Variants in TLL2 observed in about 807,000 individuals in gnomAD.
TLL2 encodes tolloid-like protein 2.
TLL2 carries 106 observed loss-of-function variants against 123.0 expected under a neutral mutation model. The ratio of observed to expected loss-of-function variants is 0.86; its 90% CI spans 0.74 to 1.01. The LOEUF is 1.01. Ranked by LOEUF, TLL2 falls within the 50% of genes least tolerant of loss-of-function variation. The probability of loss-of-function intolerance (pLI) is 0.00; values close to 1 mark genes in which losing one functional copy is unlikely to be tolerated. For missense variants in TLL2, 1,332 were observed against 1,336.7 expected (o/e 1.00, Z 0.06); for synonymous variants, 494 against 516.8 (o/e 0.96, Z 0.60).
At chr10:96,412,104 C>A (rs544283038) in intron 8 of TLL2, among the ~76,000 whole-genome samples, 5 of 152,100 alleles carry the variant, frequency 3.3e-5, no homozygotes, top group South Asian at 2.1e-4. Context: ...TAAGGTTTCC[C>A]GTTCAATTCA....
At chr10:96,401,659 A>G (rs897102910) in intron 10 of TLL2, among the ~76,000 whole-genome samples, 5 of 152,192 alleles carry the variant, frequency 3.3e-5, no homozygotes, top group Admixed American at 2.6e-4. Flanking sequence ...AAATGTAGCC[A>G]CAAATACCAG....
chr10:96,489,487 T>C (rs1179404110), intron 1 of TLL2, among the ~76,000 whole-genome samples: 1 of 151,690 alleles, frequency 6.6e-6, no homozygotes, highest in African/African-American at 2.4e-5. Flanking sequence ...CATGATGGTG[T>C]CAGTCCACTC....
intron 1 of TLL2, among the ~76,000 whole-genome samples, chr10:96,491,161 G>T (rs757462432): frequency 6.6e-6 from 1 of 152,066 alleles, no homozygotes; most frequent in Non-Finnish European, 1.5e-5. Flanking sequence ...CAGGCGGATC[G>T]CCTGAGGTTA....
intron 2 of TLL2, among the ~76,000 whole-genome samples, chr10:96,465,904 G>A (rs527428592): frequency 3.3e-5 from 5 of 152,334 alleles, no homozygotes; most frequent in African/African-American, 1.2e-4. Flanking sequence ...TTCAAGAGAA[G>A]CCAGAGTTCT....
intron 2 of TLL2, among the ~76,000 whole-genome samples, chr10:96,465,218 G>C (rs1208467279): frequency 1.3e-5 from 2 of 152,070 alleles, no homozygotes; most frequent in Non-Finnish European, 2.9e-5. Context: ...TTAACTTTAA[G>C]AGACAATGTC....
At chr10:96,399,233 A>G (rs1846370323) in intron 10 of TLL2, among the ~76,000 whole-genome samples, 1 of 152,162 alleles carries the variant, frequency 6.6e-6, no homozygotes, top group Admixed American at 6.5e-5. Flanking sequence ...AAAACCATTG[A>G]CTGGTATACT....
chr10:96,422,208 C>CT (rs58380591), intron 6 of TLL2, among the ~76,000 whole-genome samples: 2,301 of 129,102 alleles, frequency 0.018, 57 homozygotes, highest in African/African-American at 0.053. Flanking sequence ...CAGGAGAACT[C>CT]TTTTTTTTTT....
chr10:96,437,981 T>C (rs1846813325), intron 3 of TLL2, among the ~76,000 whole-genome samples: 1 of 152,232 alleles, frequency 6.6e-6, no homozygotes, highest in Non-Finnish European at 1.5e-5. Context: ...GGTCTACATG[T>C]TTATCACTCT....
chr10:96,443,593 A>G (rs1420428398), intron 3 of TLL2, among the ~76,000 whole-genome samples: 1 of 152,236 alleles, frequency 6.6e-6, no homozygotes, highest in Admixed American at 6.5e-5. Flanking sequence ...CATGAAAATA[A>G]CAAACTATTG....
At chr10:96,487,862 G>A (rs1847372815) in intron 1 of TLL2, among the ~76,000 whole-genome samples, 1 of 152,058 alleles carries the variant, frequency 6.6e-6, no homozygotes, top group African/African-American at 2.4e-5. Flanking sequence ...TAAACGCCAT[G>A]ACAACAGGCT....
chr10:96,423,031 G>A (rs1315550656), intron 5 of TLL2, among the ~76,000 whole-genome samples: 1 of 151,440 alleles, frequency 6.6e-6, no homozygotes, highest in Non-Finnish European at 1.5e-5. Context: ...GGGAGGTTGA[G>A]GCAGGAGAAC....
At chr10:96,376,921 C>T in intron 17 of TLL2, 102 bp from the exon 18 acceptor site, 1 of 1,303,576 alleles carries the variant, frequency 7.7e-7, no homozygotes, top group Middle Eastern at 2.9e-4. Context: ...CTAATTGTCT[C>T]AGGGTCTTTA....
chr10:96,381,936 A>G (rs551060164), intron 16 of TLL2, among the ~76,000 whole-genome samples: 5 of 152,374 alleles, frequency 3.3e-5, no homozygotes, highest in African/African-American at 9.6e-5. Flanking sequence ...CATTAAGACT[A>G]TAAAGATAAC....
chr10:96,372,340 C>T (rs997274805), intron 19 of TLL2, among the ~76,000 whole-genome samples: 2 of 152,134 alleles, frequency 1.3e-5, no homozygotes, highest in East Asian at 3.9e-4. Context: ...ATCACAGGGT[C>T]CCATGATCGT....
chr10:96,473,022 A>G (rs534827370), intron 2 of TLL2, among the ~76,000 whole-genome samples: 6 of 150,794 alleles, frequency 4.0e-5, no homozygotes, highest in African/African-American at 1.5e-4. Flanking sequence ...AACTGGCTTG[A>G]AGGAAGTTAG....
chr10:96,472,267 C>T (rs768205845), intron 2 of TLL2, among the ~76,000 whole-genome samples: 9 of 152,160 alleles, frequency 5.9e-5, no homozygotes, highest in African/African-American at 9.7e-5. Context: ...TTCACAAAAT[C>T]GAGACATCGT....
At chr10:96,424,392 T>A (rs929015125) in intron 5 of TLL2, among the ~76,000 whole-genome samples, 1 of 152,192 alleles carries the variant, frequency 6.6e-6, no homozygotes, top group African/African-American at 2.4e-5. Context: ...TTATTTCACG[T>A]TGCATGCCTG....
At chr10:96,474,313 C>G (rs1447825606) in intron 2 of TLL2, among the ~76,000 whole-genome samples, 1 of 152,212 alleles carries the variant, frequency 6.6e-6, no homozygotes, top group Non-Finnish European at 1.5e-5. Flanking sequence ...TTCTCTCCAT[C>G]CCAAGCACAA....
At position 96,382,685 on chromosome 10, in the gene TLL2, A is replaced by G. The variant is rs561885778; in HGVS notation, c.2194+1902T>C. Among the ~76,000 whole-genome samples, 33 of 152,310 alleles carry G rather than the reference A, an allele frequency of 2.2e-4. No individual in the cohort carries two copies. The East Asian group carries it at 3.1e-3, about 14-fold the overall frequency. ...ACCCCCTTGCCGCTCTTTCTCACCC[A>G]TGTGGTGCCTTTCACCTTGTTATGA... On this transcript the variant is annotated intron_variant, in intron 16 of 20. Transcript: ENST00000357947.
Sources: gnomAD v4.1 joint callset for allele counts (sites outside exome capture counted in the v4.1 genomes callset) on GRCh38, gnomAD v4.1.1 for gene constraint, MANE v1.5 for transcripts, NCBI Gene and HGNC (gene_info 2026-07-23, HGNC 2026-07-21) for gene names.